PXMP2: variants seen among roughly 807,000 people sequenced by gnomAD.
PXMP2 encodes the protein 22 kDa peroxisomal membrane protein.
A neutral mutation model predicts 20.2 loss-of-function variants in PXMP2; 13 were observed. The ratio of observed to expected loss-of-function variants is 0.64; its 90% confidence interval spans 0.42 to 1.02. The LOEUF (loss-of-function observed/expected upper bound fraction) is 1.02, where lower values mean the gene tolerates loss of function less well. Among genes scored for constraint, PXMP2 ranks in the 50% least tolerant of loss-of-function variants. PXMP2 has a pLI of 0.00. For synonymous variants in PXMP2, 113 were observed against 111.2 expected (o/e 1.02, Z -0.10); for missense variants, 284 against 251.8 (o/e 1.13, Z -0.87).
Position 132,690,302 on chromosome 12 carries a change from G to A in PXMP2, c.162G>A (p.Met54Ile). 1.2e-6 allele frequency: 2 copies of A among 1,614,070 alleles called. No homozygotes were observed. Among genetic ancestry groups the A allele is most frequent in the Non-Finnish European group, 1.7e-6 (2 of 1,179,992 alleles). The change falls in exon 2 of 5, where the codon ATG (methionine) becomes ATA (isoleucine). Residue 54 changes from methionine (M) to isoleucine (I), a missense_variant. By Grantham distance (10) the Met-to-Ile change is conservative. Coordinates refer to ENST00000317479, the MANE Select transcript of PXMP2 (RefSeq NM_018663.3). ...CACTTGGGAACTTCCTGGCCCAGAT[G>A]ATTGAGAAGAAGCGGAAAAAAGAAA... ...LSALGNFLAQ[M>I]IEKKRKKENS...
Position 132,704,863 on chromosome 12 carries a change from T to C in PXMP2, c.*176T>C. On this transcript the variant is annotated 3_prime_UTR_variant, in exon 5 of 5. Coordinates refer to ENST00000317479, the MANE Select transcript of PXMP2 (RefSeq NM_018663.3). ...CTCTGAATGTCAGAACCCTGTCTTTTAAAAAGGCAGTCGCTGCCTTCAGGT... is the reference window on the plus strand; with the variant it reads ...CTCTGAATGTCAGAACCCTGTCTTTCAAAAAGGCAGTCGCTGCCTTCAGGT... 1.4e-6 allele frequency: 1 copy of C among 691,218 alleles called. No homozygotes were observed. The highest frequency in any genetic ancestry group is 2.9e-5 in the East Asian group (1 of 34,616). 42.8% of individuals were successfully genotyped at this position (691,218 alleles called of 1,614,324 possible). A position where few individuals can be genotyped will look rare whatever the true frequency, so the allele number is the denominator to read the frequency against.
chr12:132,689,698 T>C (rs912253093), intron 1 of PXMP2, among the ~76,000 whole-genome samples: 1 of 152,232 alleles, frequency 6.6e-6, no homozygotes, highest in Non-Finnish European at 1.5e-5. Context: ...TGGAAATTTT[T>C]ATTGTGATAA....
In PXMP2 at chr12:132,696,384, G is replaced by A. The variant is rs1207878446; in HGVS notation, c.399+338G>A. Among the ~76,000 whole-genome samples the A allele has an allele frequency of 3.9e-5, 6 of 152,058 alleles. No individual in the cohort carries two copies. Among genetic ancestry groups the A allele is most frequent in the Admixed American group, 3.3e-4 (5 of 15,248 alleles). On this transcript the variant is annotated intron_variant, in intron 3 of 4. Coordinates refer to ENST00000317479, the MANE Select transcript of PXMP2 (RefSeq NM_018663.3). This position sits in a 1 kb window ranked among gnomAD's most constrained non-coding sequence, Gnocchi z 4.4. ...CCCAAGTAGCTGGGACCACATGTGC[G>A]TGCCACCACACCCAGCTAATCAGAT... is the stretch of plus-strand genomic sequence containing the variant.
At chr12:132,691,647 T>G (rs1459133284) in intron 2 of PXMP2, among the ~76,000 whole-genome samples, 1 of 152,206 alleles carries the variant, frequency 6.6e-6, no homozygotes, top group African/African-American at 2.4e-5. Context: ...GAGGGGCAGG[T>G]GATGAGATCA....
intron 2 of PXMP2, among the ~76,000 whole-genome samples, chr12:132,694,011 T>A (rs1431440976): frequency 3.3e-5 from 3 of 91,990 alleles, no homozygotes; most frequent in Non-Finnish European, 7.8e-5. Flanking sequence ...GTTAGTGAGC[T>A]CCCTTAGCCA....
At chr12:132,688,305 G>C in intron 1 of PXMP2, among the ~76,000 whole-genome samples, 1 of 145,388 alleles carries the variant, frequency 6.9e-6, no homozygotes, top group Non-Finnish European at 1.5e-5. Flanking sequence ...CCAGGGGAGC[G>C]GGTCTGCGGG....
rs1322808604 is a variant in PXMP2, at chr12:132,701,461, C to T, written c.519+92C>T. ...CCTCTTTCCTCCCCCCCTCCCTCCC[C>T]TCTTCTTTTCTCTTCTCTTCTTTCT... On this transcript the variant is annotated intron_variant, in intron 4 of 4. Coordinates refer to ENST00000317479, the MANE Select transcript of PXMP2 (RefSeq NM_018663.3). 4 of 1,448,616 alleles carry T rather than the reference C, an allele frequency of 2.8e-6. No individual in the cohort carries two copies. In the East Asian group the frequency reaches 9.6e-5, roughly 35 times the overall value. 89.7% of individuals were successfully genotyped at this position (1,448,616 alleles called of 1,614,324 possible).
At chr12:132,703,837 C>T (rs1414020530) in intron 4 of PXMP2, among the ~76,000 whole-genome samples, 1 of 152,078 alleles carries the variant, frequency 6.6e-6, no homozygotes, top group Non-Finnish European at 1.5e-5. Context: ...AAGGAAGCTA[C>T]AGCCATGGGC....
chr12:132,696,048 T>C lies in PXMP2; in HGVS notation c.399+2T>C, dbSNP rs370461646. On this transcript the variant is annotated splice_donor_variant, in intron 3 of 4. Coordinates refer to ENST00000317479, the MANE Select transcript of PXMP2 (RefSeq NM_018663.3). LOFTEE classifies it high-confidence loss of function. The surrounding 1 kb of genome is among the most constrained non-coding windows in gnomAD (Gnocchi z 4.4). ...TTCCTCATCATGAACTTTCTGGAGG[T>C]GGGTGTCTGCCACAGCACTTACTGC... is the stretch of plus-strand genomic sequence containing the variant. 2.5e-6 allele frequency: 4 copies of C among 1,601,628 alleles called. No individual in the cohort carries two copies. The highest frequency in any genetic ancestry group is 1.7e-5 in the Admixed American group (1 of 58,748).
At chr12:132,702,434 G>A (rs1318726795) in intron 4 of PXMP2, 2 of 354,142 alleles carry the variant, frequency 5.6e-6, no homozygotes, top group Non-Finnish European at 1.1e-5. Flanking sequence ...CACAGCCAGG[G>A]TCCCCAGGAC....
At chr12:132,690,039 A>T (rs965016428) in intron 1 of PXMP2, among the ~76,000 whole-genome samples, 1 of 152,248 alleles carries the variant, frequency 6.6e-6, no homozygotes, top group African/African-American at 2.4e-5. Flanking sequence ...CACAGCCAGG[A>T]TGTTGACATA....
rs2043315276 is a variant in PXMP2, at chr12:132,687,757, G to A, written c.87G>A (p.Leu29=). ...CGCTCGCCCAGTACCTGCTCTTCCT[G>A]CGGCTCTACCCGGTGCTCACCAAGG... The part of the protein sequence containing the change: ...RRALAQYLLF[L]RLYPVLTKAA... The change falls in exon 1 of 5, where the codon CTG becomes CTA. Residue 29 remains leucine (L), a synonymous_variant. Transcript: ENST00000317479. The A allele has an allele frequency of 1.6e-6, 2 of 1,217,258 alleles. No homozygotes were observed. The highest frequency in any genetic ancestry group is 5.4e-5 in the South Asian group (2 of 36,806). The allele number at this position is 1,217,258 out of a possible 1,614,324, so 75.4% of individuals were successfully genotyped here. A position where few individuals can be genotyped will look rare whatever the true frequency, so the allele number is the denominator to read the frequency against.
At chr12:132,690,978 A>C (rs2043362410) in intron 2 of PXMP2, among the ~76,000 whole-genome samples, 1 of 152,172 alleles carries the variant, frequency 6.6e-6, no homozygotes, top group Non-Finnish European at 1.5e-5. Flanking sequence ...AAACCCTGAA[A>C]GCGTCCTAGA....
chr12:132,704,589 C>T (rs370935470), intron 4 of PXMP2, 30 bp from the exon 5 acceptor site: 1,495 of 1,405,714 alleles, frequency 1.1e-3, no homozygotes, highest in Non-Finnish European at 1.3e-3. Flanking sequence ...TCCCGCTGAC[C>T]GTGGCCTGTT....
chr12:132,704,840 C>A lies in PXMP2; in HGVS notation c.*153C>A. On this transcript the variant is annotated 3_prime_UTR_variant, in exon 5 of 5. Coordinates refer to ENST00000317479, the MANE Select transcript of PXMP2 (RefSeq NM_018663.3). ...ATGATGGATAGAGAAACAGAAATCT[C>A]TGAATGTCAGAACCCTGTCTTTTAA... The A allele has an allele frequency of 1.3e-6, 1 of 767,890 alleles. No individual in the cohort carries two copies. Among genetic ancestry groups the A allele is most frequent in the Non-Finnish European group, 2.2e-6 (1 of 448,616 alleles). The allele number at this position is 767,890 out of a possible 1,614,324, so 47.6% of individuals were successfully genotyped here.
chr12:132,702,148 T>G (rs2043446429), intron 4 of PXMP2, among the ~76,000 whole-genome samples: 1 of 152,234 alleles, frequency 6.6e-6, no homozygotes, highest in Non-Finnish European at 1.5e-5. Context: ...GGCTCATGAA[T>G]TACAGCTGAG....
At position 132,701,231 on chromosome 12, in the gene PXMP2, C is replaced by T. The variant is rs201873080; in HGVS notation, c.400-19C>T. 181 of 1,613,526 alleles carry T rather than the reference C, an allele frequency of 1.1e-4. No individual in the cohort carries two copies. The East Asian group carries it at 1.4e-3, about 12-fold the overall frequency. On this transcript the variant is annotated intron_variant, in intron 3 of 4. Transcript: ENST00000317479. ...ATGGGCAGTGAGACTGTTCACCACC[C>T]GCCTTCCCTCCTTTGCAGGGGAAAG...
chr12:132,693,867 T>C (rs1443450253), intron 2 of PXMP2, among the ~76,000 whole-genome samples: 2 of 90,496 alleles, frequency 2.2e-5, no homozygotes, highest in African/African-American at 8.3e-5. Context: ...AGTTAGTTAG[T>C]GAGCTCCCTT....
At position 132,704,842 on chromosome 12, in the gene PXMP2, G is replaced by C. The variant is rs1303744538; in HGVS notation, c.*155G>C. 2.6e-6 allele frequency: 2 copies of C among 757,936 alleles called. No homozygotes were observed. The highest frequency in any genetic ancestry group is 4.5e-6 in the Non-Finnish European group (2 of 441,116). 47.0% of individuals were successfully genotyped at this position (757,936 alleles called of 1,614,324 possible). Reference sequence around the variant, plus strand: ...GATGGATAGAGAAACAGAAATCTCTGAATGTCAGAACCCTGTCTTTTAAAA... The same window carrying C: ...GATGGATAGAGAAACAGAAATCTCTCAATGTCAGAACCCTGTCTTTTAAAA... On this transcript the variant is annotated 3_prime_UTR_variant, in exon 5 of 5. Transcript: ENST00000317479.
Sources: gnomAD v4.1 joint callset for allele counts (sites outside exome capture counted in the v4.1 genomes callset) on GRCh38, gnomAD v4.1.1 for gene constraint, Gnocchi (gnomAD v3.1) non-coding constraint, MANE v1.5 for transcripts, NCBI Gene and HGNC (gene_info 2026-07-23, HGNC 2026-07-21) for gene names.